PPARGC1A: variants seen among roughly 807,000 people sequenced by gnomAD.
PPARGC1A encodes peroxisome proliferator-activated receptor gamma coactivator 1-alpha.
Under a neutral mutation model 88.7 loss-of-function variants are expected in PPARGC1A, and 25 were observed. The ratio of observed to expected loss-of-function variants is 0.28; its 90% CI spans 0.21 to 0.39. PPARGC1A has a LOEUF of 0.39. Among genes scored for constraint, PPARGC1A ranks in the 10% least tolerant of loss-of-function variants. The pLI is 1.00. For synonymous variants in PPARGC1A, 363 were observed against 355.6 expected (o/e 1.02, Z -0.24); for missense variants, 880 against 968.7 (o/e 0.91, Z 1.22).
the PPARGC1A span, among the ~76,000 whole-genome samples, chr4:24,434,639 G>A: frequency 6.6e-6 from 1 of 152,190 alleles, no homozygotes; most frequent in East Asian, 1.9e-4. Flanking sequence ...GGCTCAGACA[G>A]AATAAGTGGC....
At chr4:24,470,132 T>G in the PPARGC1A span, among the ~76,000 whole-genome samples, 8 of 152,050 alleles carry the variant, frequency 5.3e-5, no homozygotes, top group African/African-American at 1.7e-4. This position sits in a 1 kb window ranked among gnomAD's most constrained non-coding sequence, Gnocchi z 5.8. Flanking sequence ...CTAACGCCTC[T>G]GACTCCAGGA....
At chr4:23,966,345 T>C in the PPARGC1A span, among the ~76,000 whole-genome samples, 1 of 152,240 alleles carries the variant, frequency 6.6e-6, no homozygotes, top group Admixed American at 6.5e-5. Flanking sequence ...CACCCCTGTG[T>C]GGCTGTTGAA....
At chr4:24,005,227 A>G in the PPARGC1A span, among the ~76,000 whole-genome samples, 1 of 152,200 alleles carries the variant, frequency 6.6e-6, no homozygotes, top group Non-Finnish European at 1.5e-5. Flanking sequence ...ATATTTTTAT[A>G]TATGTGAAAT....
At chr4:23,996,409 A>G in the PPARGC1A span, among the ~76,000 whole-genome samples, 2 of 152,288 alleles carry the variant, frequency 1.3e-5, no homozygotes, top group African/African-American at 4.8e-5. Flanking sequence ...TCAATCAAAA[A>G]TGACTTCCCA....
the PPARGC1A span, among the ~76,000 whole-genome samples, chr4:24,422,822 T>C: frequency 6.6e-6 from 1 of 152,188 alleles, no homozygotes; most frequent in Non-Finnish European, 1.5e-5. Context: ...AATAAAGCTT[T>C]AATCAGTTGC....
At chr4:24,438,211 G>A in the PPARGC1A span, among the ~76,000 whole-genome samples, 1 of 152,174 alleles carries the variant, frequency 6.6e-6, no homozygotes, top group African/African-American at 2.4e-5. Flanking sequence ...GAAAAGGGAG[G>A]ATGATCCTTG....
At chr4:23,932,250 C>G in the PPARGC1A span, among the ~76,000 whole-genome samples, 2 of 152,068 alleles carry the variant, frequency 1.3e-5, no homozygotes, top group Non-Finnish European at 2.9e-5. Context: ...CATGAGAAGA[C>G]AGAGAACAAG....
chr4:24,247,775 CACCT>C, the PPARGC1A span, among the ~76,000 whole-genome samples: 1 of 152,190 alleles, frequency 6.6e-6, no homozygotes, highest in African/African-American at 2.4e-5. Flanking sequence ...GGGCCCATTT[CACCT>C]ACCATAGAGT....
chr4:23,997,767 C>T, the PPARGC1A span, among the ~76,000 whole-genome samples: 128 of 152,196 alleles, frequency 8.4e-4, no homozygotes, highest in Non-Finnish European at 1.6e-3. Flanking sequence ...GCTGGGATTA[C>T]AGGCGTGAGC....
chr4:24,232,436 G>A, the PPARGC1A span, among the ~76,000 whole-genome samples: 6 of 152,176 alleles, frequency 3.9e-5, no homozygotes, highest in Admixed American at 3.3e-4. Context: ...CCTTTGGACT[G>A]GCAGAGGACA....
the PPARGC1A span, among the ~76,000 whole-genome samples, chr4:24,016,348 A>T: frequency 1.3e-5 from 2 of 152,274 alleles, no homozygotes; most frequent in African/African-American, 4.8e-5. Context: ...ATTTGAACCA[A>T]TCGGCCAAAT....
At chr4:24,434,246 T>G in the PPARGC1A span, among the ~76,000 whole-genome samples, 1 of 152,200 alleles carries the variant, frequency 6.6e-6, no homozygotes, top group Non-Finnish European at 1.5e-5. Context: ...TGAGGCCCCC[T>G]CAGGAAAGTC....
At chr4:24,364,918 G>A in the PPARGC1A span, among the ~76,000 whole-genome samples, 19 of 152,134 alleles carry the variant, frequency 1.2e-4, no homozygotes, top group African/African-American at 4.1e-4. Flanking sequence ...TGCTTGACAC[G>A]TATCGATACT....
the PPARGC1A span, among the ~76,000 whole-genome samples, chr4:24,009,445 A>G: frequency 5.6e-4 from 86 of 152,324 alleles, 1 homozygote; most frequent in African/African-American, 2.1e-3. Context: ...TTAAAATAAT[A>G]TAGCCCTAAA....
intron 2 of PPARGC1A, 39 bp downstream of exon 2, chr4:23,884,713 A>C: frequency 6.3e-7 from 1 of 1,576,920 alleles, no homozygotes; most frequent in Non-Finnish European, 8.7e-7. Context: ...CCCAAGCCAA[A>C]CTCAATGAAA....
At chr4:24,277,351 G>A in the PPARGC1A span, among the ~76,000 whole-genome samples, 1 of 152,076 alleles carries the variant, frequency 6.6e-6, no homozygotes, top group Non-Finnish European at 1.5e-5. Flanking sequence ...GCCCCTTCTG[G>A]TGGCTTACTT....
intron 10 of PPARGC1A, 147 bp downstream of exon 10, chr4:23,812,600 T>C: frequency 8.0e-7 from 1 of 1,245,626 alleles, no homozygotes; most frequent in Non-Finnish European, 1.1e-6. Flanking sequence ...ACCGAAGACT[T>C]ATGGATATTT....
intron 2 of PPARGC1A, among the ~76,000 whole-genome samples, chr4:23,851,366 T>A (rs1198559516): frequency 6.6e-6 from 1 of 152,156 alleles, no homozygotes; most frequent in Non-Finnish European, 1.5e-5. Flanking sequence ...TGATAAGATA[T>A]TGTTATGCTG....
chr4:24,461,449 G>T, the PPARGC1A span, among the ~76,000 whole-genome samples: 1 of 152,164 alleles, frequency 6.6e-6, no homozygotes, highest in African/African-American at 2.4e-5. Flanking sequence ...ATAGCTAGAT[G>T]ATAGGAAGGG....
Sources: allele counts gnomAD v4.1 joint callset (sites outside exome capture counted in the v4.1 genomes callset), GRCh38; gene constraint gnomAD v4.1.1; non-coding constraint Gnocchi (gnomAD v3.1); transcripts MANE v1.5; gene names NCBI Gene and HGNC (gene_info 2026-07-23, HGNC 2026-07-21).